The following GRAMD1B variants were observed in gnomAD, a reference collection of about 807,000 sequenced individuals.
GRAMD1B encodes GRAM domain containing 1B, also known as protein Aster-B.
Under a neutral mutation model 99.7 loss-of-function variants are expected in GRAMD1B, and 37 were observed. That is an observed-to-expected ratio of 0.37 (90% confidence interval 0.29 to 0.49). The LOEUF (loss-of-function observed/expected upper bound fraction) is 0.49. Ranked by LOEUF, GRAMD1B falls within the 20% of genes least tolerant of loss-of-function variation. GRAMD1B has a pLI of 0.98. For missense variants in GRAMD1B, 888 were observed against 1,009.2 expected (o/e 0.88, Z 1.63); for synonymous variants, 427 against 387.6 (o/e 1.10, Z -1.19).
intron 1 of GRAMD1B, among the ~76,000 whole-genome samples, chr11:123,410,614 A>G (rs1223246780): frequency 1.3e-5 from 2 of 152,084 alleles, no homozygotes; most frequent in Non-Finnish European, 2.9e-5. Flanking sequence ...TGCAGACCAC[A>G]TCCCCTAAGA....
At chr11:123,513,708 G>A (rs1941395220) in intron 2 of GRAMD1B, among the ~76,000 whole-genome samples, 1 of 150,122 alleles carries the variant, frequency 6.7e-6, no homozygotes, top group South Asian at 2.1e-4. Flanking sequence ...CTAGACTGGA[G>A]TGCAGTGGTG....
rs1940913565 is a variant in GRAMD1B, at chr11:123,510,772, C to A, written c.452+29879C>A. 6.6e-6 allele frequency among the ~76,000 whole-genome samples: 1 copy of A among 152,112 alleles called. No homozygotes were observed. Among genetic ancestry groups the A allele is most frequent in the African/African-American group, 2.4e-5 (1 of 41,422 alleles). On this transcript the variant is annotated intron_variant, in intron 2 of 19. Coordinates refer to ENST00000635736, the MANE Select transcript of GRAMD1B (RefSeq NM_001387025.1). This position sits in a 1 kb window ranked among gnomAD's most constrained non-coding sequence, Gnocchi z 4.3. The stretch of plus-strand genomic sequence containing the variant: ...CGAGTTCTGCCTTTGGTTCACTTTT[C>A]TCTCTCCTCCTCTCCCTCAGCCCGC...
At chr11:123,549,114 G>A (rs1162850952) in intron 2 of GRAMD1B, among the ~76,000 whole-genome samples, 1 of 152,188 alleles carries the variant, frequency 6.6e-6, no homozygotes, top group East Asian at 1.9e-4. Flanking sequence ...AACAGGGCAG[G>A]GTTCGGCAGT....
At chr11:123,468,437 G>A (rs1174799776) in intron 1 of GRAMD1B, among the ~76,000 whole-genome samples, 1 of 152,152 alleles carries the variant, frequency 6.6e-6, no homozygotes, top group African/African-American at 2.4e-5. Context: ...TAGTATGGTA[G>A]AAGGTTTAGG....
intron 1 of GRAMD1B, among the ~76,000 whole-genome samples, chr11:123,381,784 A>C (rs1378906724): frequency 6.6e-6 from 1 of 152,172 alleles, no homozygotes; most frequent in Non-Finnish European, 1.5e-5. Flanking sequence ...TACTTGAAAA[A>C]ATTGCAAACT....
intron 1 of GRAMD1B, among the ~76,000 whole-genome samples, chr11:123,410,561 C>A (rs999005980): frequency 5.3e-5 from 8 of 152,122 alleles, no homozygotes; most frequent in Non-Finnish European, 1.0e-4. Context: ...ACCCTGGAAC[C>A]AGTCCCCTTC....
At chr11:123,421,786 C>T (rs759465188) in intron 1 of GRAMD1B, among the ~76,000 whole-genome samples, 1 of 152,064 alleles carries the variant, frequency 6.6e-6, no homozygotes, top group Non-Finnish European at 1.5e-5. Flanking sequence ...ATTTGGACAC[C>T]CAAAGTTATG....
chr11:123,382,410 G>A (rs1339479601), intron 1 of GRAMD1B, among the ~76,000 whole-genome samples: 1 of 152,108 alleles, frequency 6.6e-6, no homozygotes. Flanking sequence ...TTGAGAACAC[G>A]AAGGTCCATA....
chr11:123,364,827 C>G (rs1005460507), intron 1 of GRAMD1B, among the ~76,000 whole-genome samples: 1 of 145,374 alleles, frequency 6.9e-6, no homozygotes, highest in East Asian at 2.0e-4. Flanking sequence ...TGAACCTCTT[C>G]AGGCTCCAGT....
chr11:123,517,188 G>A (rs142848600), intron 2 of GRAMD1B, among the ~76,000 whole-genome samples: 3,341 of 152,282 alleles, frequency 0.022, 110 homozygotes, highest in African/African-American at 0.068. Flanking sequence ...CCAAAGTGCT[G>A]GGATTACAGG....
chr11:123,451,757 C>A (rs1242158274), intron 1 of GRAMD1B, among the ~76,000 whole-genome samples: 2 of 152,072 alleles, frequency 1.3e-5, no homozygotes, highest in Non-Finnish European at 2.9e-5. Context: ...TATGTGCTGG[C>A]CACTGAGGTG....
intron 1 of GRAMD1B, among the ~76,000 whole-genome samples, chr11:123,461,427 C>T (rs920105562): frequency 6.6e-6 from 1 of 152,202 alleles, no homozygotes; most frequent in Non-Finnish European, 1.5e-5. Flanking sequence ...CTCTCTGGTT[C>T]CCAAAGACTC....
chr11:123,371,937 A>G (rs1034676155), intron 1 of GRAMD1B, among the ~76,000 whole-genome samples: 2 of 152,222 alleles, frequency 1.3e-5, no homozygotes, highest in Non-Finnish European at 2.9e-5. Context: ...AAATACCAAA[A>G]GAACACAGGT....
chr11:123,602,779 A>G (rs1174889257), intron 8 of GRAMD1B, among the ~76,000 whole-genome samples: 1 of 152,242 alleles, frequency 6.6e-6, no homozygotes, highest in Non-Finnish European at 1.5e-5. Flanking sequence ...GAACTAATGC[A>G]TAGAACTGCA....
intron 2 of GRAMD1B, among the ~76,000 whole-genome samples, chr11:123,514,060 C>T (rs1368679550): frequency 6.6e-6 from 1 of 152,108 alleles, no homozygotes; most frequent in Non-Finnish European, 1.5e-5. Context: ...GGAGAGAGTT[C>T]AGTATGGAGA....
upstream of GRAMD1B, among the ~76,000 whole-genome samples, chr11:123,429,180 G>T (rs907573118): frequency 6.6e-6 from 1 of 152,150 alleles, no homozygotes; most frequent in Admixed American, 6.5e-5. The surrounding 1 kb of genome is among the most constrained non-coding windows in gnomAD (Gnocchi z 4.0). Flanking sequence ...GCAACAGAGT[G>T]AGACTTTGTC....
At chr11:123,458,233 C>CTT (rs1369366273) in intron 1 of GRAMD1B, 29 of 152,366 alleles carry the variant, frequency 1.9e-4, no homozygotes, top group African/African-American at 7.0e-4. Context: ...AGTCTGCAGG[C>CTT]CTCAGAACCA....
intron 1 of GRAMD1B, among the ~76,000 whole-genome samples, chr11:123,453,285 A>G (rs1949969179): frequency 6.6e-6 from 1 of 151,774 alleles, no homozygotes; most frequent in Admixed American, 6.6e-5. Flanking sequence ...ACATCAATAT[A>G]TATTAAATAT....
At chr11:123,469,776 T>TTCCTTCCTTCCTTACTTCCTTCC (rs59192957) in intron 1 of GRAMD1B, among the ~76,000 whole-genome samples, 1 of 129,944 alleles carries the variant, frequency 7.7e-6, no homozygotes, top group African/African-American at 3.1e-5. Flanking sequence ...TTTCTCTTTC[T>TTCCTTCCTTCCTTACTTCCTTCC]TTCCTTCCTT....
Sources: gnomAD v4.1 joint callset for allele counts (sites outside exome capture counted in the v4.1 genomes callset) on GRCh38, gnomAD v4.1.1 for gene constraint, Gnocchi (gnomAD v3.1) non-coding constraint, MANE v1.5 for transcripts, NCBI Gene and HGNC (gene_info 2026-07-23, HGNC 2026-07-21) for gene names.